GPCPD1: variants seen among roughly 807,000 people sequenced by gnomAD.
GPCPD1 encodes glycerophosphocholine phosphodiesterase 1.
GPCPD1 carries 29 observed loss-of-function variants against 89.2 expected under a neutral mutation model. The observed-to-expected ratio is 0.33, with a 90% CI of 0.24 to 0.44. GPCPD1 has a LOEUF of 0.44. Ranked by LOEUF, GPCPD1 falls within the 20% of genes least tolerant of loss-of-function variation. GPCPD1 has a pLI of 1.00. For missense variants in GPCPD1, 594 were observed against 808.9 expected (o/e 0.73, Z 3.22); for synonymous variants, 258 against 266.3 (o/e 0.97, Z 0.30).
At chr20:5,577,986 T>C (rs1226193038) in intron 8 of GPCPD1, among the ~76,000 whole-genome samples, 1 of 152,204 alleles carries the variant, frequency 6.6e-6, no homozygotes, top group Admixed American at 6.5e-5. Context: ...CCTAATAAAG[T>C]ACCTCAATAA....
At position 5,591,762 on chromosome 20, in the gene GPCPD1, G is replaced by A. The variant is rs547111724; in HGVS notation, c.231+1565C>T. Among the ~76,000 whole-genome samples, 16 of 152,246 alleles carry A rather than the reference G, an allele frequency of 1.1e-4. No homozygotes were observed. In the South Asian group the frequency reaches 3.3e-3, roughly 32 times the overall value. ...TTAAAGTGTCACATTAAGCTGGCAT[G>A]TGGAGAAAAAAACTGTAGCCATATG... On this transcript the variant is annotated intron_variant, in intron 4 of 19. Coordinates refer to ENST00000379019, the MANE Select transcript of GPCPD1 (RefSeq NM_019593.5).
chr20:5,577,054 T>G (rs1262490651), intron 8 of GPCPD1, among the ~76,000 whole-genome samples: 3 of 90,766 alleles, frequency 3.3e-5, no homozygotes, highest in East Asian at 2.6e-4. Flanking sequence ...AAAAAAGTTG[T>G]TTTTTTTTTT....
chr20:5,562,156 G>T (rs1040524624), intron 15 of GPCPD1, among the ~76,000 whole-genome samples: 1 of 152,138 alleles, frequency 6.6e-6, no homozygotes, highest in Admixed American at 6.5e-5. Context: ...ACTAGAAAAT[G>T]ACATTGAAAA....
chr20:5,570,299 G>A (rs1986638267), intron 11 of GPCPD1, 60 bp from the exon 12 acceptor site: 1 of 810,948 alleles, frequency 1.2e-6, no homozygotes, highest in Non-Finnish European at 2.1e-6. Context: ...CTCTCAAACT[G>A]CAAGAACGTA....
chr20:5,595,043 C>A (rs1979611310), intron 3 of GPCPD1, among the ~76,000 whole-genome samples: 3 of 152,192 alleles, frequency 2.0e-5, no homozygotes, highest in African/African-American at 4.8e-5. Flanking sequence ...TTGACACTGT[C>A]CTTCAACCTT....
intron 1 of GPCPD1, 68 bp from the exon 2 acceptor site, chr20:5,604,508 C>G (rs1980408319): frequency 1.5e-6 from 1 of 672,542 alleles, no homozygotes. Flanking sequence ...CATCAAGAAA[C>G]AACTTCAACC....
intron 5 of GPCPD1, 62 bp downstream of exon 5, chr20:5,586,132 A>G: frequency 2.6e-6 from 2 of 768,720 alleles, no homozygotes; most frequent in South Asian, 3.2e-5. Flanking sequence ...CCACTAAGCC[A>G]TTGTGCAGCA....
At chr20:5,590,998 AGCAAAGAGG>A (rs1236026054) in intron 4 of GPCPD1, among the ~76,000 whole-genome samples, 9 of 152,136 alleles carry the variant, frequency 5.9e-5, no homozygotes, top group African/African-American at 2.2e-4. Flanking sequence ...TCTACCCACA[AGCAAAGAGG>A]GGTGGATACA....
chr20:5,592,295 T>C (rs12624603), intron 4 of GPCPD1, among the ~76,000 whole-genome samples: 21,217 of 152,248 alleles, frequency 0.14, 1,633 homozygotes, highest in South Asian at 0.19. Flanking sequence ...CATAACCCCA[T>C]GCCAAATAAA....
chr20:5,554,183 A>G (rs1460413571), intron 19 of GPCPD1, among the ~76,000 whole-genome samples: 2 of 137,966 alleles, frequency 1.4e-5, no homozygotes, highest in Non-Finnish European at 3.1e-5. Flanking sequence ...ACGGGTTTTC[A>G]CCGTGTTAGC....
chr20:5,606,415 TA>T (rs1477831601), intron 1 of GPCPD1, among the ~76,000 whole-genome samples: 2 of 152,226 alleles, frequency 1.3e-5, no homozygotes, highest in Non-Finnish European at 2.9e-5. Context: ...GAAACAATTC[TA>T]AAGTACCTTT....
chr20:5,584,390 A>G (rs1452574575), intron 5 of GPCPD1, 68 bp from the exon 6 acceptor site: 2 of 721,216 alleles, frequency 2.8e-6, no homozygotes, highest in Non-Finnish European at 5.1e-6. Flanking sequence ...CAACTGAGAA[A>G]TTACCCACCT....
At chr20:5,589,802 G>T (rs1979196961) in intron 4 of GPCPD1, among the ~76,000 whole-genome samples, 2 of 152,146 alleles carry the variant, frequency 1.3e-5, no homozygotes, top group South Asian at 4.1e-4. Context: ...TTCTGGAAAA[G>T]TCTGCCAAAA....
At chr20:5,550,933 G>C (rs1481131030) in intron 19 of GPCPD1, among the ~76,000 whole-genome samples, 5 of 152,192 alleles carry the variant, frequency 3.3e-5, no homozygotes, top group African/African-American at 1.2e-4. Context: ...CCGGTGGAGA[G>C]GCAGACGTAT....
At chr20:5,582,965 T>A (rs1389518364) in intron 6 of GPCPD1, among the ~76,000 whole-genome samples, 1 of 151,186 alleles carries the variant, frequency 6.6e-6, no homozygotes. Context: ...CCAGGTGCGG[T>A]GGCACACGCC....
intron 11 of GPCPD1, among the ~76,000 whole-genome samples, chr20:5,571,222 TC>T (rs1478651311): frequency 6.6e-6 from 1 of 152,176 alleles, no homozygotes; most frequent in African/African-American, 2.4e-5. Flanking sequence ...CTTGCAGACT[TC>T]CGAAGCGGGA....
At position 5,554,163 on chromosome 20, in the gene GPCPD1, T is replaced by C. The variant is rs1174920440; in HGVS notation, c.1829+3782A>G. Among the ~76,000 whole-genome samples the C allele has an allele frequency of 1.8e-5, 2 of 114,064 alleles. 1 individual carries two copies. Among genetic ancestry groups the C allele is most frequent in the Non-Finnish European group, 3.7e-5 (2 of 54,634 alleles). 74.8% of individuals were successfully genotyped at this position (114,064 alleles called of 152,430 possible). ...ATTATTATTATTATTATTTTGTATTTTTAGTAGAGACGGGTTTTCACCGTG... is the reference window on the plus strand; with the variant it reads ...ATTATTATTATTATTATTTTGTATTCTTAGTAGAGACGGGTTTTCACCGTG... On this transcript the variant is annotated intron_variant, in intron 19 of 19. Coordinates refer to ENST00000379019, the MANE Select transcript of GPCPD1 (RefSeq NM_019593.5).
chr20:5,608,800 T>A (rs891014952), intron 1 of GPCPD1, among the ~76,000 whole-genome samples: 2 of 152,222 alleles, frequency 1.3e-5, no homozygotes, highest in Admixed American at 6.5e-5. Context: ...CTTTTTGGTT[T>A]TTGAAAACGT....
intron 10 of GPCPD1, among the ~76,000 whole-genome samples, chr20:5,574,664 G>A (rs1446646331): frequency 2.0e-5 from 3 of 152,110 alleles, no homozygotes; most frequent in Admixed American, 6.5e-5. Flanking sequence ...CTTGAGCTCC[G>A]GAAATTAAGG....
Sources: gnomAD v4.1 joint callset for allele counts (sites outside exome capture counted in the v4.1 genomes callset) on GRCh38, gnomAD v4.1.1 for gene constraint, MANE v1.5 for transcripts, NCBI Gene and HGNC (gene_info 2026-07-23, HGNC 2026-07-21) for gene names.